Variants in XKR4 observed in about 807,000 individuals in gnomAD.
The protein encoded by XKR4 is XK-related protein 4.
In XKR4, 12 loss-of-function variants were observed where a neutral mutation model predicts 53.9. The observed-to-expected ratio is 0.22, with a 90% CI of 0.14 to 0.36. The LOEUF (loss-of-function observed/expected upper bound fraction) is 0.36, where lower values mean the gene tolerates loss of function less well. Ranked by LOEUF, XKR4 falls within the 10% of genes least tolerant of loss-of-function variation. The pLI is 1.00. For missense variants in XKR4, 799 were observed against 859.5 expected (o/e 0.93, Z 0.88); for synonymous variants, 354 against 362.4 (o/e 0.98, Z 0.26).
intron 1 of XKR4, among the ~76,000 whole-genome samples, chr8:55,180,186 A>G (rs1817288395): frequency 6.6e-6 from 1 of 152,252 alleles, no homozygotes; most frequent in African/African-American, 2.4e-5. Context: ...TATAATGACC[A>G]TCAATAGCAG....
At chr8:55,419,582 C>A (rs1804896023) in intron 2 of XKR4, among the ~76,000 whole-genome samples, 1 of 152,202 alleles carries the variant, frequency 6.6e-6, no homozygotes, top group East Asian at 1.9e-4. Context: ...CTCCCTGAGG[C>A]TTTTAACAGG....
At chr8:55,410,206 C>T (rs1213948154) in intron 2 of XKR4, among the ~76,000 whole-genome samples, 1 of 152,138 alleles carries the variant, frequency 6.6e-6, no homozygotes, top group Non-Finnish European at 1.5e-5. Context: ...AGACAACACC[C>T]CATCCTCCAC....
intron 1 of XKR4, among the ~76,000 whole-genome samples, chr8:55,229,245 C>T (rs561712524): frequency 3.3e-5 from 5 of 152,308 alleles, no homozygotes; most frequent in African/African-American, 1.2e-4. Context: ...CCCATCCGCC[C>T]TGTGTCGATT....
At chr8:55,182,322 T>C (rs1017328369) in intron 1 of XKR4, among the ~76,000 whole-genome samples, 4 of 152,112 alleles carry the variant, frequency 2.6e-5, no homozygotes, top group African/African-American at 4.8e-5. Flanking sequence ...GTGCATTTCT[T>C]TTATGGATTA....
At chr8:55,120,900 A>G (rs1435541777) in intron 1 of XKR4, among the ~76,000 whole-genome samples, 1 of 152,156 alleles carries the variant, frequency 6.6e-6, no homozygotes, top group African/African-American at 2.4e-5. Flanking sequence ...ACTCCTGGCA[A>G]TGACTGGTGT....
intron 2 of XKR4, chr8:55,449,501 CG>C: frequency 1.5e-6 from 2 of 1,323,256 alleles, no homozygotes; most frequent in Non-Finnish European, 2.1e-6. Context: ...CAGGCAAGGT[CG>C]GGAGGCTCAG....
chr8:55,516,942 G>T (rs1306803309), intron 2 of XKR4, among the ~76,000 whole-genome samples: 1 of 152,104 alleles, frequency 6.6e-6, no homozygotes, highest in African/African-American at 2.4e-5. Context: ...TACCATGCAG[G>T]CATAAAAAAG....
chr8:55,436,887 T>C (rs1342449227), intron 2 of XKR4, among the ~76,000 whole-genome samples: 2 of 152,148 alleles, frequency 1.3e-5, no homozygotes, highest in African/African-American at 4.8e-5. Context: ...GAGCCCAAAG[T>C]CTCTACATTC....
chr8:55,520,677 C>T (rs1377758665), intron 2 of XKR4, among the ~76,000 whole-genome samples: 1 of 152,094 alleles, frequency 6.6e-6, no homozygotes, highest in Non-Finnish European at 1.5e-5. Flanking sequence ...ATGAAATTTC[C>T]CTTTGGTATA....
At chr8:55,289,620 A>AG (rs1491142774) in intron 1 of XKR4, among the ~76,000 whole-genome samples, 6 of 139,680 alleles carry the variant, frequency 4.3e-5, no homozygotes, top group African/African-American at 1.6e-4. Context: ...AAAGAAAGAA[A>AG]GAAAGAAAGA....
At chr8:55,351,421 A>C (rs1411019831) in intron 1 of XKR4, among the ~76,000 whole-genome samples, 5 of 152,174 alleles carry the variant, frequency 3.3e-5, no homozygotes, top group African/African-American at 9.7e-5. Context: ...CAAACGTCTC[A>C]TTGTACCAGA....
chr8:55,323,194 A>G (rs1290295229), intron 1 of XKR4, among the ~76,000 whole-genome samples: 9 of 152,210 alleles, frequency 5.9e-5, no homozygotes, highest in Non-Finnish European at 1.0e-4. Context: ...GGTAAATATT[A>G]CTACTATTAA....
In XKR4 at chr8:55,115,075, G is replaced by C. The variant is rs939812215; in HGVS notation, c.806+11781G>C. ...GTCAGCATCTCTTGGAAGCTTCTCA[G>C]ACGTGCAGAATCTCAGGCCCACCCT... On this transcript the variant is annotated intron_variant, in intron 1 of 2. Transcript: ENST00000327381. Among the ~76,000 whole-genome samples the C allele has an allele frequency of 3.3e-5, 5 of 152,268 alleles. No homozygotes were observed. In the Middle Eastern group the frequency reaches 0.01, roughly 311 times the overall value.
chr8:55,183,579 C>T (rs1428317845), intron 1 of XKR4, among the ~76,000 whole-genome samples: 3 of 151,984 alleles, frequency 2.0e-5, no homozygotes, highest in African/African-American at 7.2e-5. Context: ...AGAGTTTAAT[C>T]CCATTATGAC....
intron 2 of XKR4, chr8:55,453,837 C>T (rs1389368545): frequency 1.6e-5 from 8 of 503,742 alleles, no homozygotes; most frequent in Non-Finnish European, 2.7e-5. Flanking sequence ...TGTGCCACAT[C>T]GTGGGCCACC....
intron 1 of XKR4, among the ~76,000 whole-genome samples, chr8:55,190,168 A>C (rs1379417744): frequency 6.6e-6 from 1 of 152,102 alleles, no homozygotes; most frequent in Non-Finnish European, 1.5e-5. Flanking sequence ...CTGTTTGTGC[A>C]GTTTCTTTTC....
chr8:55,367,773 A>G (rs1804013643), intron 2 of XKR4, among the ~76,000 whole-genome samples: 1 of 152,062 alleles, frequency 6.6e-6, no homozygotes, highest in African/African-American at 2.4e-5. Context: ...TCCATCAGCA[A>G]GTCCTGTGTG....
chr8:55,103,959 A>G (rs1350754780), intron 1 of XKR4, among the ~76,000 whole-genome samples: 2 of 149,130 alleles, frequency 1.3e-5, no homozygotes, highest in Non-Finnish European at 3.0e-5. Flanking sequence ...CTTTCTGATT[A>G]TCTTGCAATA....
intron 2 of XKR4, among the ~76,000 whole-genome samples, chr8:55,436,494 A>G (rs1028077094): frequency 6.6e-6 from 1 of 152,220 alleles, no homozygotes; most frequent in Admixed American, 6.5e-5. Flanking sequence ...AAAATTCCTA[A>G]CATGTGTTCA....
Sources: allele counts gnomAD v4.1 joint callset (sites outside exome capture counted in the v4.1 genomes callset), GRCh38; gene constraint gnomAD v4.1.1; transcripts MANE v1.5; gene names NCBI Gene and HGNC (gene_info 2026-07-23, HGNC 2026-07-21).